Variants in SLC8A1 observed in about 807,000 individuals in gnomAD.
SLC8A1 encodes sodium/calcium exchanger 1.
A neutral mutation model predicts 68.3 loss-of-function variants in SLC8A1; 18 were observed. The observed-to-expected ratio is 0.26, with a 90% CI of 0.18 to 0.39. SLC8A1 has a LOEUF of 0.39. Among genes scored for constraint, SLC8A1 ranks in the 10% least tolerant of loss-of-function variants. The pLI, the probability that SLC8A1 is intolerant of heterozygous loss-of-function variation, is 1.00. For synonymous variants in SLC8A1, 475 were observed against 415.5 expected, an observed-to-expected ratio of 1.14 and a Z score of -1.74; for missense variants, 985 against 1,156.7, an observed-to-expected ratio of 0.85 and a Z score of 2.15.
At chr2:40,199,220 A>G (rs1471574484) in intron 2 of SLC8A1, among the ~76,000 whole-genome samples, 1 of 151,818 alleles carries the variant, frequency 6.6e-6, no homozygotes, top group Non-Finnish European at 1.5e-5. Context: ...GAGGAATTAA[A>G]TAATAAAATT....
chr2:40,364,755 G>C (rs1402613463), intron 2 of SLC8A1, among the ~76,000 whole-genome samples: 1 of 151,986 alleles, frequency 6.6e-6, no homozygotes. Flanking sequence ...TGCCCTCCTG[G>C]AAAGCCCTTA....
At chr2:40,235,096 G>A (rs1366244168) in intron 2 of SLC8A1, among the ~76,000 whole-genome samples, 1 of 151,984 alleles carries the variant, frequency 6.6e-6, no homozygotes, top group Non-Finnish European at 1.5e-5. Flanking sequence ...TTTGGTATCA[G>A]AATGATGCTG....
chr2:40,184,898 CAAAAAAAAAAA>C (rs66662572), intron 2 of SLC8A1, among the ~76,000 whole-genome samples: 5 of 106,524 alleles, frequency 4.7e-5, no homozygotes, highest in South Asian at 3.3e-4. Context: ...TAACCAAAAA[CAAAAAAAAAAA>C]AAAAAAAAAA....
chr2:40,412,387 T>A (rs1336343191), intron 2 of SLC8A1, among the ~76,000 whole-genome samples: 1 of 152,162 alleles, frequency 6.6e-6, no homozygotes, highest in Non-Finnish European at 1.5e-5. Context: ...TACATCTATT[T>A]TGTAATCATA....
At chr2:40,365,315 A>C (rs1299471735) in intron 2 of SLC8A1, among the ~76,000 whole-genome samples, 1 of 152,092 alleles carries the variant, frequency 6.6e-6, no homozygotes, top group Non-Finnish European at 1.5e-5. Context: ...ATATTTTTAT[A>C]CTTAATTTAT....
At chr2:40,239,123 T>C (rs1191315860) in intron 2 of SLC8A1, among the ~76,000 whole-genome samples, 1 of 151,932 alleles carries the variant, frequency 6.6e-6, no homozygotes, top group Non-Finnish European at 1.5e-5. Flanking sequence ...TCTGACTACA[T>C]CATACCATAG....
chr2:40,237,313 C>G (rs887518342), intron 2 of SLC8A1, among the ~76,000 whole-genome samples: 3 of 151,696 alleles, frequency 2.0e-5, no homozygotes, highest in Non-Finnish European at 2.9e-5. Flanking sequence ...TCTTTTTATT[C>G]TTTTTTCTCT....
intron 1 of SLC8A1, among the ~76,000 whole-genome samples, chr2:40,503,966 A>G (rs1377992913): frequency 1.3e-5 from 2 of 152,074 alleles, no homozygotes; most frequent in African/African-American, 4.8e-5. Flanking sequence ...CCTAAAATTT[A>G]TGTGAGACTA....
intron 6 of SLC8A1, among the ~76,000 whole-genome samples, chr2:40,151,415 CATTGCCAAGCGCTGTCTT>C (rs1222381889): frequency 6.6e-6 from 1 of 152,126 alleles, no homozygotes; most frequent in Non-Finnish European, 1.5e-5. Flanking sequence ...AAAGACTTAG[CATTGCCAAGCGCTGTCTT>C]AGTGCCAAGC....
intron 5 of SLC8A1, among the ~76,000 whole-genome samples, chr2:40,164,481 C>T (rs1348013356): frequency 6.6e-6 from 1 of 152,186 alleles, no homozygotes; most frequent in African/African-American, 2.4e-5. Flanking sequence ...GAATGCCTTG[C>T]TCTGACAGAT....
At chr2:40,493,829 C>G (rs1210140553) in intron 1 of SLC8A1, among the ~76,000 whole-genome samples, 1 of 151,812 alleles carries the variant, frequency 6.6e-6, no homozygotes, top group Non-Finnish European at 1.5e-5. Context: ...TATTGACAAC[C>G]AGTCAGTAGC....
At chr2:40,315,008 C>T (rs956043197) in intron 2 of SLC8A1, among the ~76,000 whole-genome samples, 1 of 151,922 alleles carries the variant, frequency 6.6e-6, no homozygotes, top group South Asian at 2.1e-4. Flanking sequence ...CACTGGCTAG[C>T]ACCTCCAGTA....
At chr2:40,299,628 T>C (rs899815149) in intron 2 of SLC8A1, among the ~76,000 whole-genome samples, 1 of 152,178 alleles carries the variant, frequency 6.6e-6, no homozygotes, top group African/African-American at 2.4e-5. Flanking sequence ...GATCCAGGAA[T>C]CTGGGGACTG....
At chr2:40,172,383 G>C (rs1262827002) in intron 4 of SLC8A1, among the ~76,000 whole-genome samples, 1 of 152,022 alleles carries the variant, frequency 6.6e-6, no homozygotes, top group Non-Finnish European at 1.5e-5. Flanking sequence ...AAGAGGTGAT[G>C]GTAATAGGAA....
intron 1 of SLC8A1, among the ~76,000 whole-genome samples, chr2:40,459,973 C>T (rs1372462415): frequency 6.6e-6 from 1 of 152,140 alleles, no homozygotes; most frequent in Non-Finnish European, 1.5e-5. Flanking sequence ...TGCAAATACC[C>T]ATGAAAATCA....
chr2:40,252,972 C>CATATATGTATCTGT (rs1553453120), intron 2 of SLC8A1, among the ~76,000 whole-genome samples: 3 of 73,574 alleles, frequency 4.1e-5, no homozygotes, highest in Non-Finnish European at 9.5e-5. Context: ...TATGTATGTA[C>CATATATGTATCTGT]ATATATGTAT....
intron 2 of SLC8A1, among the ~76,000 whole-genome samples, chr2:40,225,011 C>T: frequency 6.6e-6 from 1 of 152,088 alleles, no homozygotes; most frequent in Admixed American, 6.6e-5. Flanking sequence ...AGAACCTGGG[C>T]CTATCATTTC....
chr2:40,220,313 G>A (rs543855464), intron 2 of SLC8A1: 1 of 152,168 alleles, frequency 6.6e-6, no homozygotes, highest in Non-Finnish European at 1.5e-5. Flanking sequence ...TCTGACAGCT[G>A]AGACATCTCT....
At chr2:40,122,053 T>G (rs1270192534) in intron 7 of SLC8A1, among the ~76,000 whole-genome samples, 1 of 152,154 alleles carries the variant, frequency 6.6e-6, no homozygotes, top group African/African-American at 2.4e-5. Context: ...TGTCTTGCTC[T>G]TTTAGAATTA....
Sources: allele counts gnomAD v4.1 joint callset (sites outside exome capture counted in the v4.1 genomes callset), GRCh38; gene constraint gnomAD v4.1.1; transcripts MANE v1.5; gene names NCBI Gene and HGNC (gene_info 2026-07-23, HGNC 2026-07-21).